Variants in SGO2 observed in about 807,000 individuals in gnomAD.
The protein encoded by SGO2 is shugoshin 2.
Under a neutral mutation model 99.5 loss-of-function variants are expected in SGO2, and 68 were observed. The observed-to-expected ratio is 0.68, with a 90% CI of 0.56 to 0.84. The LOEUF is 0.84. Among genes scored for constraint, SGO2 ranks in the 40% least tolerant of loss-of-function variants. SGO2 has a pLI of 0.00. For missense variants in SGO2, 1,350 were observed against 1,436.7 expected, an observed-to-expected ratio of 0.94 and a Z score of 0.97; for synonymous variants, 457 against 487.1, an observed-to-expected ratio of 0.94 and a Z score of 0.81.
chr2:200,583,041 A>G (rs74684328), intron 8 of SGO2, among the ~76,000 whole-genome samples: 5,158 of 152,156 alleles, frequency 0.034, 277 homozygotes, highest in African/African-American at 0.12. Flanking sequence ...TTGGGGGAGG[A>G]GAGGGTTGTG....
chr2:200,580,507 T>A (rs1301926144), intron 8 of SGO2: 2 of 436,564 alleles, frequency 4.6e-6, no homozygotes, highest in Non-Finnish European at 9.3e-6. Context: ...CATTAAAATT[T>A]ATTGTTTTTA....
At chr2:200,536,890 C>T (rs1559199525) in intron 4 of SGO2, among the ~76,000 whole-genome samples, 1 of 152,120 alleles carries the variant, frequency 6.6e-6, no homozygotes, top group Non-Finnish European at 1.5e-5. Context: ...CCTTCAGCTA[C>T]TTTCTTCTCC....
At chr2:200,574,088 T>TA in intron 7 of SGO2, 111 bp downstream of exon 7, 1 of 776,714 alleles carries the variant, frequency 1.3e-6, no homozygotes, top group East Asian at 2.7e-5. Flanking sequence ...TTATGGAATT[T>TA]AAAAACAATA....
Position 200,575,460 on chromosome 2 carries a change from G to T in SGO2, c.3781G>T (p.Asp1261Tyr). The T allele has an allele frequency of 6.4e-7, 1 of 1,561,896 alleles. No individual in the cohort carries two copies. The highest frequency in any genetic ancestry group is 1.2e-5 in the South Asian group (1 of 83,766). The change falls in exon 8 of 9, where the codon GAC (aspartate) becomes TAC (tyrosine). Residue 1261 changes from aspartate to tyrosine, a missense_variant and splice_region_variant. Coordinates refer to ENST00000357799, the MANE Select transcript of SGO2 (RefSeq NM_152524.6). ...CTATTTTAAAGAGCCAAGCCTCAGAGAGTAAGTATTTCAAATGATTTTAGT... is the reference window on the plus strand; with the variant it reads ...CTATTTTAAAGAGCCAAGCCTCAGATAGTAAGTATTTCAAATGATTTTAGT... ...PFYFKEPSLR[D>Y]KMRR
chr2:200,542,734 G>T lies in SGO2; in HGVS notation c.473+70G>T, dbSNP rs533919952. The T allele has an allele frequency of 1.5e-3, 1,935 of 1,313,010 alleles. 8 individuals carry two copies. The highest frequency in any genetic ancestry group is 6.2e-3 in the Middle Eastern group (33 of 5,328). 81.3% of individuals were successfully genotyped at this position (1,313,010 alleles called of 1,614,324 possible). On this transcript the variant is annotated intron_variant, in intron 5 of 8. Transcript: ENST00000357799. The stretch of plus-strand genomic sequence containing the variant: ...TATATAACACAATTAGTGTTTGTGT[G>T]TATTGTACAGTGTTCAGGATCATCA...
chr2:200,539,480 A>C (rs2031857235), intron 4 of SGO2, among the ~76,000 whole-genome samples: 2 of 151,938 alleles, frequency 1.3e-5, no homozygotes, highest in African/African-American at 4.8e-5. Flanking sequence ...AATTTAATTT[A>C]ATGTTTGATG....
At chr2:200,555,143 G>A (rs1242806735) in intron 5 of SGO2, among the ~76,000 whole-genome samples, 2 of 152,112 alleles carry the variant, frequency 1.3e-5, no homozygotes, top group Admixed American at 6.5e-5. Flanking sequence ...ACATTCCCAT[G>A]ACTTTTTATA....
intron 5 of SGO2, among the ~76,000 whole-genome samples, chr2:200,558,708 G>A (rs951428754): frequency 6.7e-6 from 1 of 148,772 alleles, no homozygotes; most frequent in Non-Finnish European, 1.5e-5. Context: ...TCTGTTTTAT[G>A]GCAGCATTTG....
intron 5 of SGO2, among the ~76,000 whole-genome samples, chr2:200,552,556 C>T (rs991932937): frequency 2.6e-5 from 4 of 152,132 alleles, no homozygotes; most frequent in African/African-American, 9.7e-5. Flanking sequence ...AGGAGGTGGG[C>T]AATTCCTGGA....
At chr2:200,550,185 C>T (rs12105174) in intron 5 of SGO2, among the ~76,000 whole-genome samples, 294 of 152,178 alleles carry the variant, frequency 1.9e-3, no homozygotes, top group African/African-American at 6.6e-3. Context: ...TGACAAAACT[C>T]TGATGAAAGA....
intron 8 of SGO2, among the ~76,000 whole-genome samples, chr2:200,578,842 T>A (rs2033748721): frequency 6.6e-6 from 1 of 152,194 alleles, no homozygotes; most frequent in African/African-American, 2.4e-5. Flanking sequence ...TTTCATTGTT[T>A]CCCTCACTGT....
chr2:200,563,632 G>A (rs1463472115), intron 5 of SGO2, among the ~76,000 whole-genome samples: 2 of 152,168 alleles, frequency 1.3e-5, no homozygotes, highest in Non-Finnish European at 2.9e-5. Context: ...CAGAAGGAAT[G>A]GTACCAACTC....
At chr2:200,574,889 T>G (rs1209562086) in intron 7 of SGO2, among the ~76,000 whole-genome samples, 1 of 151,856 alleles carries the variant, frequency 6.6e-6, no homozygotes, top group Non-Finnish European at 1.5e-5. Flanking sequence ...TGTGTGTAGA[T>G]CCCTAAGGTT....
intron 2 of SGO2, among the ~76,000 whole-genome samples, chr2:200,534,263 A>G (rs2031580477): frequency 1.3e-5 from 2 of 152,224 alleles, no homozygotes; most frequent in African/African-American, 4.8e-5. Flanking sequence ...GGAACACACT[A>G]TATTTATGGT....
Position 200,571,687 on chromosome 2 carries a change from T to C in SGO2, c.1341T>C (p.Asp447=). 4 of 1,613,652 alleles carry C rather than the reference T, an allele frequency of 2.5e-6. No individual in the cohort carries two copies. The Middle Eastern group carries it at 6.6e-4, about 266-fold the overall frequency. ...DVLDGKRGAE[D]PGFIFNNEQL... ...TGGATGGCAAAAGGGGTGCAGAAGA[T>C]CCCGGTTTTATTTTCAATAATGAAC... The change falls in exon 7 of 9, where the codon GAT becomes GAC. Residue 447 remains aspartate, a synonymous_variant. Transcript: ENST00000357799.
chr2:200,531,377 G>A (rs2031372766), intron 1 of SGO2, among the ~76,000 whole-genome samples: 1 of 152,182 alleles, frequency 6.6e-6, no homozygotes, highest in Non-Finnish European at 1.5e-5. Context: ...TCTAGTGACA[G>A]TATATTCAAG....
intron 5 of SGO2, among the ~76,000 whole-genome samples, chr2:200,550,190 G>A (rs1325388737): frequency 6.6e-6 from 1 of 152,056 alleles, no homozygotes; most frequent in Non-Finnish European, 1.5e-5. Flanking sequence ...AAACTCTGAT[G>A]AAAGAAATAG....
Position 200,573,539 on chromosome 2 carries a change from G to A in SGO2, c.3193G>A (p.Gly1065Arg). The change falls in exon 7 of 9, where the codon GGA (glycine) becomes AGA (arginine). Residue 1065 changes from glycine to arginine, a missense_variant. Coordinates refer to ENST00000357799, the MANE Select transcript of SGO2 (RefSeq NM_152524.6). ...DLPFVEEIKE[G>R]ECQVKKVNKM... ...CCCTTTTGTGGAAGAAATAAAAGAA[G>A]GAGAGTGTCAGGTTAAAAAGGTAAA... is the stretch of plus-strand genomic sequence containing the variant. 1 of 1,610,416 alleles carries A rather than the reference G, an allele frequency of 6.2e-7. No homozygotes were observed. Among genetic ancestry groups the A allele is most frequent in the Non-Finnish European group, 8.5e-7 (1 of 1,178,808 alleles).
chr2:200,572,179 G>A lies in SGO2; in HGVS notation c.1833G>A (p.Lys611=). 3 of 1,612,462 alleles carry A rather than the reference G, an allele frequency of 1.9e-6. No homozygotes were observed. Among genetic ancestry groups the A allele is most frequent in the Non-Finnish European group, 2.5e-6 (3 of 1,179,430 alleles). Residue 611 remains lysine (K), a synonymous_variant, in exon 7 of 9, where the codon AAG becomes AAA. Coordinates refer to ENST00000357799, the MANE Select transcript of SGO2 (RefSeq NM_152524.6). The part of the protein sequence containing the change: ...PSEQNESNIN[K]LRKKVNRKTE... ...AGCAAAATGAATCAAACATTAATAAGCTTAGAAAGAAAGTAAACCGGAAGA... is the reference window on the plus strand; with the variant it reads ...AGCAAAATGAATCAAACATTAATAAACTTAGAAAGAAAGTAAACCGGAAGA...
Sources: allele counts gnomAD v4.1 joint callset (sites outside exome capture counted in the v4.1 genomes callset), GRCh38; gene constraint gnomAD v4.1.1; transcripts MANE v1.5; gene names NCBI Gene and HGNC (gene_info 2026-07-23, HGNC 2026-07-21).